PRSS12: variants seen among roughly 807,000 people sequenced by gnomAD.
The protein encoded by PRSS12 is neurotrypsin.
In PRSS12, 85 loss-of-function variants were observed where a neutral mutation model predicts 104.4. The observed-to-expected ratio is 0.81, with a 90% confidence interval of 0.68 to 0.98. The LOEUF (loss-of-function observed/expected upper bound fraction) is 0.98. Ranked by LOEUF, PRSS12 falls within the 50% of genes least tolerant of loss-of-function variation. PRSS12 has a pLI of 0.00. For missense variants in PRSS12, 1,141 were observed against 1,139.2 expected, an observed-to-expected ratio of 1.00 and a Z score of -0.02; for synonymous variants, 454 against 425.2, an observed-to-expected ratio of 1.07 and a Z score of -0.83.
rs369577707 is a variant in PRSS12, at chr4:118,283,101, T to G, written c.2050A>C (p.Ser684Arg). The change falls in exon 12 of 13, where the codon AGC becomes CGC. Residue 684 changes from serine (S) to arginine (R), a missense_variant. Ser to Arg is a moderately radical substitution (Grantham distance 110, BLOSUM62 -1). Transcript: ENST00000296498. ...AAHCFKRYGN[S>R]TRSYAVRVGD... is the part of the protein sequence containing the mutation. ...ACCCTAACAGCATAGCTCCTAGTGC[T>G]GTTGCCATACCTGAGAGGCAGAGAG... 1.7e-5 allele frequency: 28 copies of G among 1,614,098 alleles called. No individual in the cohort carries two copies. Among genetic ancestry groups the G allele is most frequent in the Non-Finnish European group, 2.1e-5 (25 of 1,180,032 alleles).
At chr4:118,305,317 T>C (rs560569932) in intron 8 of PRSS12, among the ~76,000 whole-genome samples, 1 of 152,098 alleles carries the variant, frequency 6.6e-6, no homozygotes, top group African/African-American at 2.4e-5. Context: ...AACATTAAAT[T>C]ACTGAATTAC....
At chr4:118,296,510 A>C (rs1352940734) in intron 9 of PRSS12, among the ~76,000 whole-genome samples, 1 of 152,234 alleles carries the variant, frequency 6.6e-6, no homozygotes, top group Admixed American at 6.5e-5. Context: ...AGAAAGGCAA[A>C]TGCAACAGGT....
chr4:118,325,054 AAT>A (rs1287098769), intron 4 of PRSS12, among the ~76,000 whole-genome samples: 1 of 152,106 alleles, frequency 6.6e-6, no homozygotes, highest in African/African-American at 2.4e-5. Flanking sequence ...TACACATGCC[AAT>A]ATCTCTTTAT....
intron 7 of PRSS12, among the ~76,000 whole-genome samples, chr4:118,310,791 CTG>C (rs2126032930): frequency 6.6e-6 from 1 of 152,278 alleles, no homozygotes; most frequent in Non-Finnish European, 1.5e-5. Context: ...TGGCTCACAC[CTG>C]TAATCCCAGC....
intron 8 of PRSS12, among the ~76,000 whole-genome samples, chr4:118,299,335 T>C (rs919147078): frequency 3.9e-5 from 6 of 152,318 alleles, no homozygotes; most frequent in African/African-American, 1.4e-4. Context: ...GATTAAATAA[T>C]AACCTACAGA....
chr4:118,341,804 G>C (rs1052150992), intron 1 of PRSS12, among the ~76,000 whole-genome samples: 1 of 152,188 alleles, frequency 6.6e-6, no homozygotes, highest in Non-Finnish European at 1.5e-5. Context: ...CTATCTCCTA[G>C]TTCCCTGCCC....
intron 11 of PRSS12, among the ~76,000 whole-genome samples, chr4:118,288,199 T>C (rs1743053076): frequency 6.6e-6 from 1 of 152,196 alleles, no homozygotes; most frequent in Non-Finnish European, 1.5e-5. Context: ...ACTCAAAAAG[T>C]AGTTGACTGA....
At chr4:118,313,455 A>G in intron 6 of PRSS12, 58 bp from the exon 7 acceptor site, 1 of 1,564,368 alleles carries the variant, frequency 6.4e-7, no homozygotes, top group Non-Finnish European at 8.8e-7. Context: ...TCAGGGAACC[A>G]CAAAACATTT....
chr4:118,315,644 A>T (rs1743886080), intron 6 of PRSS12, among the ~76,000 whole-genome samples: 1 of 152,196 alleles, frequency 6.6e-6, no homozygotes, highest in Non-Finnish European at 1.5e-5. Flanking sequence ...TATGTGTGTG[A>T]CATAAAATAC....
chr4:118,332,375 T>C lies in PRSS12; in HGVS notation c.821-509A>G, dbSNP rs114895001. On this transcript the variant is annotated intron_variant, in intron 3 of 12. Coordinates refer to ENST00000296498, the MANE Select transcript of PRSS12 (RefSeq NM_003619.4). ...ACAAGTTGCTGGACATCATGGCCAG[T>C]ACCTCAACAGAACAATATTGAAACT... is the stretch of plus-strand genomic sequence containing the variant. 1.7e-3 allele frequency among the ~76,000 whole-genome samples: 252 copies of C among 152,300 alleles called. 1 individual carries two copies. Among genetic ancestry groups the C allele is most frequent in the African/African-American group, 5.6e-3 (233 of 41,564 alleles).
In PRSS12 at chr4:118,287,648, T is replaced by A. The variant is rs529688044; in HGVS notation, c.2040-4537A>T. On this transcript the variant is annotated intron_variant, in intron 11 of 12. Coordinates refer to ENST00000296498, the MANE Select transcript of PRSS12 (RefSeq NM_003619.4). ...ACCTCTCCTAGTGGGTATGATTATA[T>A]GCTTTAGGGATAACACTTTGGCTGA... Among the ~76,000 whole-genome samples the A allele has an allele frequency of 2.6e-5, 4 of 152,348 alleles. No individual in the cohort carries two copies. The South Asian group carries it at 8.3e-4, about 32-fold the overall frequency.
chr4:118,309,981 A>T (rs1743663848), intron 7 of PRSS12, among the ~76,000 whole-genome samples: 1 of 152,164 alleles, frequency 6.6e-6, no homozygotes, highest in Non-Finnish European at 1.5e-5. Context: ...TCATGGGACA[A>T]GGCAGTATAG....
At chr4:118,333,054 GA>G (rs1723968562) in intron 3 of PRSS12, among the ~76,000 whole-genome samples, 1 of 152,128 alleles carries the variant, frequency 6.6e-6, no homozygotes, top group African/African-American at 2.4e-5. Context: ...AATCACTTGT[GA>G]AAAAGCTGTT....
In PRSS12 at chr4:118,280,389, A is replaced by T. The variant is rs1002295926; in HGVS notation, c.*1547T>A. 1 of 152,392 alleles carries T rather than the reference A, an allele frequency of 6.6e-6. No homozygotes were observed. Among genetic ancestry groups the T allele is most frequent in the East Asian group, 1.9e-4 (1 of 5,188 alleles). 9.4% of individuals were successfully genotyped at this position (152,392 alleles called of 1,614,324 possible). A position where few individuals can be genotyped will look rare whatever the true frequency, so the allele number is the denominator to read the frequency against. The stretch of plus-strand genomic sequence containing the variant: ...GCTACTTTAAAAGTTTATCAAAATC[A>T]TGAGTTTTTACAAAAGTTTTTAATG... On this transcript the variant is annotated 3_prime_UTR_variant, in exon 13 of 13. Coordinates refer to ENST00000296498, the MANE Select transcript of PRSS12 (RefSeq NM_003619.4).
At chr4:118,312,959 T>G (rs1743788189) in intron 7 of PRSS12, 1 of 531,982 alleles carries the variant, frequency 1.9e-6, no homozygotes, top group South Asian at 2.1e-5. Flanking sequence ...GTAAACATTG[T>G]TAGTGAGGAA....
rs545931157 is a variant in PRSS12 at position 118,348,874 on chromosome 4, ACTCCCGAC to A, written c.502+3337_502+3344del. 4.0e-3 allele frequency among the ~76,000 whole-genome samples: 611 copies of A among 151,658 alleles called. 6 individuals are homozygous for A. Among genetic ancestry groups the A allele is most frequent in the African/African-American group, 0.014 (573 of 41,318 alleles). ...TCCACATTGGTCAGCCTGGTCTCGA[ACTCCCGAC>A]CTCAGGTGATCCACCTGCCTCAGCC... On this transcript the variant is annotated intron_variant, in intron 1 of 12. Transcript: ENST00000296498.
At chr4:118,331,410 T>C (rs1427881823) in intron 4 of PRSS12, among the ~76,000 whole-genome samples, 1 of 152,216 alleles carries the variant, frequency 6.6e-6, no homozygotes, top group Non-Finnish European at 1.5e-5. Flanking sequence ...TGGAATTTGA[T>C]TAAGTCACTA....
chr4:118,312,781 A>G (rs1743780593), intron 7 of PRSS12, among the ~76,000 whole-genome samples: 1 of 152,172 alleles, frequency 6.6e-6, no homozygotes, highest in African/African-American at 2.4e-5. Flanking sequence ...CTTCAGGACT[A>G]GAGAAGAAAT....
chr4:118,327,208 G>T (rs1417571596), intron 4 of PRSS12, among the ~76,000 whole-genome samples: 2 of 152,014 alleles, frequency 1.3e-5, no homozygotes, highest in African/African-American at 4.8e-5. Context: ...ACGCTGGAGT[G>T]CAGTGGTGCA....
Sources: gnomAD v4.1 joint callset for allele counts (sites outside exome capture counted in the v4.1 genomes callset) on GRCh38, gnomAD v4.1.1 for gene constraint, MANE v1.5 for transcripts, NCBI Gene and HGNC (gene_info 2026-07-23, HGNC 2026-07-21) for gene names.